C3orf20: variants seen among roughly 807,000 people sequenced by gnomAD.
C3orf20 encodes uncharacterized protein C3orf20.
In C3orf20, 76 loss-of-function variants were observed where a neutral mutation model predicts 88.3. The ratio of observed to expected loss-of-function variants is 0.86; its 90% CI spans 0.72 to 1.04. C3orf20 has a LOEUF of 1.04. C3orf20 is among the 50% of genes least tolerant of loss of function. The probability of loss-of-function intolerance (pLI) is 0.00; values close to 1 mark genes in which losing one functional copy is unlikely to be tolerated. For synonymous variants in C3orf20, 436 were observed against 437.4 expected (o/e 1.00, Z 0.04); for missense variants, 1,056 against 1,123.3 (o/e 0.94, Z 0.86).
chr3:14,758,474 C>T (rs2035456357), intron 13 of C3orf20, among the ~76,000 whole-genome samples: 1 of 152,174 alleles, frequency 6.6e-6, no homozygotes, highest in Admixed American at 6.5e-5. Flanking sequence ...TGCAGTCATT[C>T]CCAGCAACAT....
intron 7 of C3orf20, among the ~76,000 whole-genome samples, chr3:14,712,173 C>T (rs1025481273): frequency 3.7e-4 from 23 of 62,682 alleles, no homozygotes; most frequent in African/African-American, 8.8e-4. Flanking sequence ...CGCACACACA[C>T]GCGCGCGCGC....
chr3:14,702,071 C>G (rs1377653365), intron 5 of C3orf20, among the ~76,000 whole-genome samples: 3 of 152,128 alleles, frequency 2.0e-5, no homozygotes, highest in Non-Finnish European at 4.4e-5. Flanking sequence ...AGTTTTCACA[C>G]TGCTGATAAA....
chr3:14,684,303 C>T lies in C3orf20; in HGVS notation c.546C>T (p.Leu182=), dbSNP rs560893155. 6.2e-7 allele frequency: 1 copy of T among 1,614,140 alleles called. No homozygotes were observed. The highest frequency in any genetic ancestry group is 1.1e-5 in the South Asian group (1 of 91,080). Residue 182 remains leucine (L), a synonymous_variant, in exon 4 of 17, where the codon CTC becomes CTT. Transcript: ENST00000253697. ...TGGAGGCCAGCCAGCTCCTCCACCTCAATGCCAAGGAGATGGCCTTCAACT... is the reference window on the plus strand; with the variant it reads ...TGGAGGCCAGCCAGCTCCTCCACCTTAATGCCAAGGAGATGGCCTTCAACT... ...RFVEASQLLH[L]NAKEMAFNCL... is the part of the protein sequence containing the mutation.
chr3:14,742,018 T>C (rs2034913878), intron 12 of C3orf20, among the ~76,000 whole-genome samples: 1 of 152,232 alleles, frequency 6.6e-6, no homozygotes, highest in Non-Finnish European at 1.5e-5. Context: ...ACCTCGTCCC[T>C]GCTTTAGCTA....
chr3:14,772,009 A>G lies in C3orf20; in HGVS notation c.2496-58A>G. The G allele has an allele frequency of 6.2e-7, 1 of 1,602,106 alleles. No homozygotes were observed. The highest frequency in any genetic ancestry group is 8.5e-7 in the Non-Finnish European group (1 of 1,171,366). On this transcript the variant is annotated intron_variant, in intron 15 of 16. Transcript: ENST00000253697. This position sits in a 1 kb window ranked among gnomAD's most constrained non-coding sequence, Gnocchi z 4.2. Reference sequence around the variant, plus strand: ...TCCAGGCTCCCAGAACACTGATGGGACAGCGTGCAGTGCACCCTGGGCCCT... The same window carrying G: ...TCCAGGCTCCCAGAACACTGATGGGGCAGCGTGCAGTGCACCCTGGGCCCT...
At chr3:14,726,753 G>A in intron 10 of C3orf20, 148 bp from the exon 11 acceptor site, 1 of 1,049,832 alleles carries the variant, frequency 9.5e-7, no homozygotes. Flanking sequence ...TCACTGGGCT[G>A]AGAGGGAGAG....
intron 9 of C3orf20, among the ~76,000 whole-genome samples, chr3:14,716,642 C>A (rs528881985): frequency 3.7e-4 from 56 of 152,324 alleles, no homozygotes; most frequent in African/African-American, 9.9e-4. Flanking sequence ...AATGTCCTCC[C>A]AAATTCCTTC....
Position 14,682,822 on chromosome 3 carries a change from A to T in C3orf20, c.109A>T (p.Ile37Phe), listed in dbSNP as rs768912317. 4 of 1,614,176 alleles carry T rather than the reference A, an allele frequency of 2.5e-6. No individual in the cohort carries two copies. Among genetic ancestry groups the T allele is most frequent in the South Asian group, 1.1e-5 (1 of 91,090 alleles). Reference protein sequence around the residue: ...KLLMICQNAGISVPKGIRNIF... With the variant: ...KLLMICQNAGFSVPKGIRNIF... The stretch of plus-strand genomic sequence containing the variant: ...CCTCATGATCTGCCAGAATGCAGGC[A>T]TTTCTGTACCAAAAGGCATCAGAAA... The change falls in exon 3 of 17, where the codon ATT becomes TTT. Residue 37 changes from isoleucine (I) to phenylalanine (F), a missense_variant. By Grantham distance (21) the Ile-to-Phe change is conservative. Transcript: ENST00000253697.
intron 1 of C3orf20, among the ~76,000 whole-genome samples, chr3:14,681,150 T>C (rs551486725): frequency 7.2e-5 from 11 of 152,298 alleles, no homozygotes; most frequent in African/African-American, 2.6e-4. Context: ...TGCAGATGGG[T>C]GACTCCTGAC....
intron 7 of C3orf20, among the ~76,000 whole-genome samples, chr3:14,709,268 T>C (rs2033646392): frequency 6.6e-6 from 1 of 152,334 alleles, no homozygotes; most frequent in South Asian, 2.1e-4. Flanking sequence ...TTGTGTGGAC[T>C]CTTTAGAATT....
intron 15 of C3orf20, among the ~76,000 whole-genome samples, chr3:14,770,653 T>C (rs1181607152): frequency 6.6e-6 from 1 of 152,104 alleles, no homozygotes; most frequent in East Asian, 1.9e-4. Context: ...CACCAGATAC[T>C]GCTACCCATG....
chr3:14,719,330 C>T (rs2034062163), intron 9 of C3orf20, among the ~76,000 whole-genome samples: 2 of 151,940 alleles, frequency 1.3e-5, no homozygotes, highest in South Asian at 4.2e-4. Flanking sequence ...GAGTTACTAG[C>T]CAGACCCAAA....
At chr3:14,738,056 C>A (rs2125004246) in intron 12 of C3orf20, among the ~76,000 whole-genome samples, 1 of 152,250 alleles carries the variant, frequency 6.6e-6, no homozygotes, top group East Asian at 1.9e-4. Context: ...GTTACTTCCT[C>A]CACTGGAGTC....
intron 7 of C3orf20, among the ~76,000 whole-genome samples, chr3:14,707,445 TTG>T (rs36047273): frequency 0.24 from 33,005 of 136,004 alleles, 3,816 homozygotes; most frequent in South Asian, 0.27. Context: ...GCATCTTTTC[TTG>T]TGTGTGTGTG....
At position 14,772,012 on chromosome 3, in the gene C3orf20, G is replaced by A; in HGVS notation, c.2496-55G>A. On this transcript the variant is annotated intron_variant, in intron 15 of 16. Coordinates refer to ENST00000253697, the MANE Select transcript of C3orf20 (RefSeq NM_032137.5). This position sits in a 1 kb window ranked among gnomAD's most constrained non-coding sequence, Gnocchi z 4.2. ...AGGCTCCCAGAACACTGATGGGACAGCGTGCAGTGCACCCTGGGCCCTGAG... is the reference window on the plus strand; with the variant it reads ...AGGCTCCCAGAACACTGATGGGACAACGTGCAGTGCACCCTGGGCCCTGAG... The A allele has an allele frequency of 1.2e-6, 2 of 1,607,486 alleles. No individual in the cohort carries two copies. Among genetic ancestry groups the A allele is most frequent in the Non-Finnish European group, 1.7e-6 (2 of 1,175,798 alleles).
chr3:14,742,422 C>T (rs974000013), intron 12 of C3orf20, among the ~76,000 whole-genome samples: 7 of 152,070 alleles, frequency 4.6e-5, no homozygotes, highest in African/African-American at 1.7e-4. Flanking sequence ...GGACACTGGC[C>T]CAGGTGGAGA....
At chr3:14,722,076 T>C in intron 10 of C3orf20, 1 of 343,984 alleles carries the variant, frequency 2.9e-6, no homozygotes. Flanking sequence ...ATATGCAGTT[T>C]CAGGCATGGC....
chr3:14,747,602 T>C (rs2035093391), intron 12 of C3orf20, among the ~76,000 whole-genome samples: 1 of 152,038 alleles, frequency 6.6e-6, no homozygotes. Context: ...TAATAACAGG[T>C]ATATTATAGT....
rs1172606091 is a variant in C3orf20, at chr3:14,676,239, A to C, written c.-299+987A>C. On this transcript the variant is annotated intron_variant, in intron 1 of 16. Transcript: ENST00000253697. ...GTTTTTGAAAATCAAAAAATACAAG[A>C]GTGGACCTTGCTCCCAGCCCAGGTC... is the stretch of plus-strand genomic sequence containing the variant. Among the ~76,000 whole-genome samples, 7 of 152,032 alleles carry C rather than the reference A, an allele frequency of 4.6e-5. No homozygotes were observed. In the South Asian group the frequency reaches 6.2e-4, roughly 14 times the overall value.
Sources: gnomAD v4.1 joint callset for allele counts (sites outside exome capture counted in the v4.1 genomes callset) on GRCh38, gnomAD v4.1.1 for gene constraint, Gnocchi (gnomAD v3.1) non-coding constraint, MANE v1.5 for transcripts, NCBI Gene and HGNC (gene_info 2026-07-23, HGNC 2026-07-21) for gene names.